Variants in EML4 observed in about 807,000 individuals in gnomAD.
EML4 encodes echinoderm microtubule-associated protein-like 4.
EML4 carries 72 observed loss-of-function variants against 129.0 expected under a neutral mutation model. That is an observed-to-expected ratio of 0.56 (90% CI 0.46 to 0.68). EML4 has a LOEUF of 0.68. Ranked by LOEUF, EML4 falls within the 30% of genes least tolerant of loss-of-function variation. EML4 has a pLI of 0.00. For missense variants in EML4, 1,363 were observed against 1,190.6 expected, an observed-to-expected ratio of 1.14 and a Z score of -2.13; for synonymous variants, 532 against 405.0, an observed-to-expected ratio of 1.31 and a Z score of -3.77.
intron 21 of EML4, among the ~76,000 whole-genome samples, chr2:42,327,645 C>G (rs1022050941): frequency 6.6e-6 from 1 of 152,186 alleles, no homozygotes; most frequent in African/African-American, 2.4e-5. Context: ...GAAATCCGAC[C>G]TCTATGACTG....
At chr2:42,255,643 T>TA (rs945183059) in intron 2 of EML4, among the ~76,000 whole-genome samples, 12 of 150,514 alleles carry the variant, frequency 8.0e-5, no homozygotes, top group African/African-American at 1.7e-4. Flanking sequence ...AACTTATATG[T>TA]AAAAAAAAAA....
chr2:42,249,241 CT>C (rs1558539211), intron 2 of EML4, among the ~76,000 whole-genome samples: 1 of 151,240 alleles, frequency 6.6e-6, no homozygotes, highest in East Asian at 1.9e-4. Flanking sequence ...TGTATTTTTT[CT>C]TTAATTAAAA....
intron 1 of EML4, among the ~76,000 whole-genome samples, chr2:42,173,028 G>GA (rs1462372848): frequency 6.6e-6 from 1 of 152,072 alleles, no homozygotes; most frequent in African/African-American, 2.4e-5. Context: ...TTCCCCCTAA[G>GA]AAAAATCATA....
intron 17 of EML4, among the ~76,000 whole-genome samples, chr2:42,313,981 C>T (rs1234013648): frequency 1.3e-5 from 2 of 150,976 alleles, no homozygotes; most frequent in Admixed American, 6.6e-5. Context: ...TATTGGCTTA[C>T]ATTAGTGGTG....
intron 1 of EML4, among the ~76,000 whole-genome samples, chr2:42,217,410 A>G (rs17029348): frequency 0.26 from 39,436 of 152,082 alleles, 6,137 homozygotes; most frequent in East Asian, 0.56. Flanking sequence ...AAATTCTTAT[A>G]TAACCCACAT....
intron 1 of EML4, among the ~76,000 whole-genome samples, chr2:42,235,349 A>G (rs1674599729): frequency 1.4e-5 from 2 of 144,036 alleles, no homozygotes; most frequent in Non-Finnish European, 1.5e-5. Flanking sequence ...AATCCCAGCT[A>G]CTCAGGAGGC....
intron 4 of EML4, 32 bp downstream of exon 4, chr2:42,261,326 A>G (rs756556695): frequency 1.3e-6 from 2 of 1,510,822 alleles, no homozygotes; most frequent in Non-Finnish European, 1.8e-6. Context: ...AGAGCTAGGG[A>G]ATGGTTGTAA....
At chr2:42,216,989 C>G (rs1028690490) in intron 1 of EML4, among the ~76,000 whole-genome samples, 2 of 151,834 alleles carry the variant, frequency 1.3e-5, no homozygotes, top group African/African-American at 4.8e-5. Context: ...AAGCAACAGA[C>G]AAGGAAGTTA....
chr2:42,209,935 CA>C (rs1160128400), intron 1 of EML4, among the ~76,000 whole-genome samples: 2 of 148,606 alleles, frequency 1.3e-5, no homozygotes, highest in Non-Finnish European at 3.0e-5. Flanking sequence ...GTCTCAAAAC[CA>C]AAAAAACAAA....
At position 42,330,046 on chromosome 2, in the gene EML4, C is replaced by T; in HGVS notation, c.2785C>T (p.Gln929Ter). The T allele has an allele frequency of 6.2e-7, 1 of 1,613,500 alleles. No individual in the cohort carries two copies. The highest frequency in any genetic ancestry group is 8.5e-7 in the Non-Finnish European group (1 of 1,179,954). ...SPTLLENSLE[Q>*]TVEPSEDHSE... ...CACACTTCTGGAGAACAGCCTGGAA[C>T]AAACTGTGGAGCCAAGTGAAGACCA... The change falls in exon 23 of 23, where the codon CAA becomes TAA. Residue 929 changes from glutamine to a stop codon, truncating the protein, a stop_gained. Transcript: ENST00000318522. LOFTEE classifies it high-confidence loss of function.
intron 1 of EML4, among the ~76,000 whole-genome samples, chr2:42,234,669 T>G (rs892078304): frequency 1.3e-5 from 2 of 152,234 alleles, no homozygotes; most frequent in Non-Finnish European, 2.9e-5. Flanking sequence ...AACAAATATA[T>G]TCCTGTTGAG....
At position 42,303,443 on chromosome 2, in the gene EML4, A is replaced by G; in HGVS notation, c.1896A>G (p.Val632=). ...MEHRLEWTRL[V]DEPGHCADFH... is the part of the protein sequence containing the mutation. ...ACAGGCTGGAATGGACCAGGCTGGT[A>G]GATGTGAGTGAAGCAGGATGTGATT... The change falls in exon 16 of 23, where the codon GTA becomes GTG. Residue 632 remains valine, a synonymous_variant. Coordinates refer to ENST00000318522, the MANE Select transcript of EML4 (RefSeq NM_019063.5). 1 of 1,613,634 alleles carries G rather than the reference A, an allele frequency of 6.2e-7. No homozygotes were observed. Among genetic ancestry groups the G allele is most frequent in the Non-Finnish European group, 8.5e-7 (1 of 1,179,692 alleles).
chr2:42,176,802 AT>A (rs889875614), intron 1 of EML4, among the ~76,000 whole-genome samples: 1 of 151,820 alleles, frequency 6.6e-6, no homozygotes, highest in Non-Finnish European at 1.5e-5. Flanking sequence ...TTATTTATTT[AT>A]TTTTTTATGA....
At position 42,261,170 on chromosome 2, in the gene EML4, G is replaced by A. The variant is rs1411542103; in HGVS notation, c.388G>A (p.Glu130Lys). The change falls in exon 4 of 23, where the codon GAG (glutamate) becomes AAG (lysine). Residue 130 changes from glutamate (E) to lysine (K), a missense_variant. Physicochemically the swap from Glu to Lys is moderately conservative, Grantham distance 56 (BLOSUM62 1). Coordinates refer to ENST00000318522, the MANE Select transcript of EML4 (RefSeq NM_019063.5). ...EKPQGQREKKEESHSNDQSPQ... is the reference protein window; with the variant it reads ...EKPQGQREKKKESHSNDQSPQ... The stretch of plus-strand genomic sequence containing the variant: ...ACCACAAGGACAGAGAGAAAAAAAA[G>A]AGGAATCTCATTCTAATGATCAAAG... The A allele has an allele frequency of 6.2e-7, 1 of 1,613,518 alleles. No homozygotes were observed. Among genetic ancestry groups the A allele is most frequent in the African/African-American group, 1.3e-5 (1 of 74,896 alleles).
At chr2:42,247,638 G>T (rs1675497662) in intron 2 of EML4, among the ~76,000 whole-genome samples, 1 of 152,094 alleles carries the variant, frequency 6.6e-6, no homozygotes, top group East Asian at 1.9e-4. Context: ...GACTAATAAA[G>T]TGTTATATTA....
intron 13 of EML4, among the ~76,000 whole-genome samples, chr2:42,300,068 T>C (rs1668193346): frequency 6.6e-6 from 1 of 152,250 alleles, no homozygotes; most frequent in African/African-American, 2.4e-5. Flanking sequence ...GGCTGAGTAA[T>C]ATCACATTGT....
At chr2:42,221,396 TGGTTTAC>T (rs1673583495) in intron 1 of EML4, among the ~76,000 whole-genome samples, 6 of 126,232 alleles carry the variant, frequency 4.8e-5, no homozygotes, top group Admixed American at 7.8e-5. Context: ...GTTTACAACA[TGGTTTAC>T]TTTTTTTTTT....
At position 42,295,488 on chromosome 2, in the gene EML4, A is replaced by G. The variant is rs750949367; in HGVS notation, c.1461A>G (p.Val487=). Residue 487 remains valine (V), a synonymous_variant, in exon 13 of 23, where the codon GTA becomes GTG. Transcript: ENST00000318522. ...GVMLIWSKTT[V]EPTPGKGPKG... ...TGCTTATATGGAGCAAAACTACTGT[A>G]GAGCCCACACCTGGGAAAGGACCTA... 23 of 1,613,684 alleles carry G rather than the reference A, an allele frequency of 1.4e-5. No individual in the cohort carries two copies. The highest frequency in any genetic ancestry group is 1.7e-5 in the Non-Finnish European group (20 of 1,179,884).
At chr2:42,208,594 C>T (rs529616918) in intron 1 of EML4, among the ~76,000 whole-genome samples, 51 of 151,686 alleles carry the variant, frequency 3.4e-4, no homozygotes, top group African/African-American at 9.7e-4. Flanking sequence ...CCACCGCACC[C>T]GGCTAATTTT....
Sources: gnomAD v4.1 joint callset for allele counts (sites outside exome capture counted in the v4.1 genomes callset) on GRCh38, gnomAD v4.1.1 for gene constraint, MANE v1.5 for transcripts, NCBI Gene and HGNC (gene_info 2026-07-23, HGNC 2026-07-21) for gene names.